Variants in KAT6B observed in about 807,000 individuals in gnomAD.
KAT6B encodes the protein histone acetyltransferase KAT6B.
KAT6B carries 10 observed loss-of-function variants against 187.5 expected under a neutral mutation model. The ratio of observed to expected loss-of-function variants is 0.05; its 90% confidence interval spans 0.03 to 0.09. The LOEUF (loss-of-function observed/expected upper bound fraction) is 0.09. Among genes scored for constraint, KAT6B ranks in the 10% least tolerant of loss-of-function variants. KAT6B has a pLI of 1.00. For synonymous variants in KAT6B, 861 were observed against 926.8 expected (o/e 0.93, Z 1.29); for missense variants, 1,952 against 2,558.9 (o/e 0.76, Z 5.12).
In KAT6B at chr10:75,029,658, C is replaced by T. The variant is rs140992439; in HGVS notation, c.4834C>T (p.Arg1612Cys). 2.7e-5 allele frequency: 43 copies of T among 1,614,154 alleles called. No individual in the cohort carries two copies. The highest frequency in any genetic ancestry group is 1.1e-4 in the East Asian group (5 of 44,878). ...SVHSHPGQSV[R>C]SVNSPSVPAL... is the part of the protein sequence containing the mutation. ...CCACTCCCATCCTGGCCAGTCCGTA[C>T]GTTCTGTCAACAGCCCAAGTGTCCC... The change falls in exon 18 of 18, where the codon CGT becomes TGT. Residue 1612 changes from arginine to cysteine, a missense_variant. Physicochemically the swap from Arg to Cys is radical, Grantham distance 180 (BLOSUM62 -3). Coordinates refer to ENST00000287239, the MANE Select transcript of KAT6B (RefSeq NM_012330.4). The surrounding 1 kb of genome is among the most constrained non-coding windows in gnomAD (Gnocchi z 6.2).
rs754453284 is a variant in KAT6B, at chr10:74,843,342, A to C, written c.485A>C (p.Asn162Thr). The change falls in exon 3 of 18, where the codon AAT (asparagine) becomes ACT (threonine). Residue 162 changes from asparagine (N) to threonine (T), a missense_variant. Physicochemically the swap from Asn to Thr is moderately conservative, Grantham distance 65. Coordinates refer to ENST00000287239, the MANE Select transcript of KAT6B (RefSeq NM_012330.4). ...LRLGAKRAVN[N>T]GRLLKDGPQY... Reference sequence around the variant, plus strand: ...CTGGGGGCCAAACGCGCTGTGAATAATGGGAGGTTACTGAAAGACGGACCG... The same window carrying C: ...CTGGGGGCCAAACGCGCTGTGAATACTGGGAGGTTACTGAAAGACGGACCG... 1 of 1,613,226 alleles carries C rather than the reference A, an allele frequency of 6.2e-7. No individual in the cohort carries two copies. Among genetic ancestry groups the C allele is most frequent in the Non-Finnish European group, 8.5e-7 (1 of 1,179,490 alleles).
At chr10:74,912,558 G>A (rs1847321598) in intron 3 of KAT6B, among the ~76,000 whole-genome samples, 1 of 152,092 alleles carries the variant, frequency 6.6e-6, no homozygotes, top group Non-Finnish European at 1.5e-5. Flanking sequence ...CTCTCTGTCT[G>A]TATTGTAGAA....
chr10:74,957,374 G>T (rs1311300086), intron 3 of KAT6B, among the ~76,000 whole-genome samples: 2 of 152,332 alleles, frequency 1.3e-5, no homozygotes, highest in East Asian at 3.9e-4. Context: ...CAGCATGGCG[G>T]GGTTCGCTTG....
chr10:74,921,176 G>A lies in KAT6B; in HGVS notation c.622-38794G>A, dbSNP rs1156453759. On this transcript the variant is annotated intron_variant, in intron 3 of 17. Transcript: ENST00000287239. ...GTTGCCCAGGCTGGAGTTAAATGGC[G>A]AGATCTTGCCTCACTGCAACCTCCA... Among the ~76,000 whole-genome samples, 5 of 147,634 alleles carry A rather than the reference G, an allele frequency of 3.4e-5. No homozygotes were observed. The South Asian group carries it at 6.4e-4, about 19-fold the overall frequency.
chr10:74,942,345 A>G (rs1849731625), intron 3 of KAT6B, among the ~76,000 whole-genome samples: 1 of 152,208 alleles, frequency 6.6e-6, no homozygotes, highest in South Asian at 2.1e-4. Flanking sequence ...ACATGAAGCA[A>G]ATATATGATC....
At chr10:74,843,881 A>G (rs1841922469) in intron 3 of KAT6B, among the ~76,000 whole-genome samples, 3 of 152,102 alleles carry the variant, frequency 2.0e-5, no homozygotes, top group African/African-American at 7.2e-5. Context: ...TTTTACTATT[A>G]TTATTTTTTT....
At chr10:74,850,024 C>T (rs1344302079) in intron 3 of KAT6B, among the ~76,000 whole-genome samples, 9 of 151,842 alleles carry the variant, frequency 5.9e-5, no homozygotes, top group East Asian at 1.9e-4. Flanking sequence ...CTGCAAGCTC[C>T]GCCTTCCGGG....
At chr10:74,916,622 G>C (rs185492033) in intron 3 of KAT6B, among the ~76,000 whole-genome samples, 1 of 152,110 alleles carries the variant, frequency 6.6e-6, no homozygotes, top group Non-Finnish European at 1.5e-5. Flanking sequence ...ATATTTGTAG[G>C]TATATTAAAT....
intron 3 of KAT6B, among the ~76,000 whole-genome samples, chr10:74,895,643 G>A (rs1002743734): frequency 6.6e-6 from 1 of 152,030 alleles, no homozygotes; most frequent in Non-Finnish European, 1.5e-5. Context: ...GGGTTCAAGC[G>A]ATTCTCGTGC....
intron 3 of KAT6B, among the ~76,000 whole-genome samples, chr10:74,956,285 G>A (rs1840689108): frequency 6.6e-6 from 1 of 152,172 alleles, no homozygotes; most frequent in African/African-American, 2.4e-5. Flanking sequence ...TATATAGGTG[G>A]TGCTCAGTCC....
chr10:74,865,933 C>T (rs1024400251), intron 3 of KAT6B, among the ~76,000 whole-genome samples: 4 of 152,084 alleles, frequency 2.6e-5, no homozygotes, highest in Non-Finnish European at 4.4e-5. Context: ...GTTTGTGCTG[C>T]GCTGGTCAAC....
At chr10:74,990,143 C>T (rs981358532) in intron 13 of KAT6B, among the ~76,000 whole-genome samples, 22 of 133,552 alleles carry the variant, frequency 1.6e-4, no homozygotes, top group African/African-American at 5.7e-4. Flanking sequence ...TGCAGTGAGC[C>T]GAGATGGTGC....
At position 74,965,729 on chromosome 10, in the gene KAT6B, C is replaced by CT. The variant is rs755126285; in HGVS notation, c.731-3917dup. Among the ~76,000 whole-genome samples, 917 of 141,944 alleles carry CT rather than the reference C, an allele frequency of 6.5e-3. 3 individuals are homozygous for CT. The highest frequency in any genetic ancestry group is 0.012 in the African/African-American group (487 of 39,022). The allele number at this position is 141,944 out of a possible 152,430, so 93.1% of individuals were successfully genotyped here. The stretch of plus-strand genomic sequence containing the variant: ...GAGACTTTAAGTGAGGATCCATGTT[C>CT]TTTTTTTTTTTTTTGAGATGGAGTC... On this transcript the variant is annotated intron_variant, in intron 4 of 17. Transcript: ENST00000287239.
At chr10:74,858,869 C>T (rs1564525782) in intron 3 of KAT6B, among the ~76,000 whole-genome samples, 2 of 151,586 alleles carry the variant, frequency 1.3e-5, no homozygotes, top group Non-Finnish European at 2.9e-5. Context: ...GCAGGAGAAT[C>T]GCTTGAACCT....
chr10:74,873,432 T>G (rs1324146964), intron 3 of KAT6B, among the ~76,000 whole-genome samples: 1 of 151,436 alleles, frequency 6.6e-6, no homozygotes, highest in African/African-American at 2.4e-5. Context: ...GCCACTGCAC[T>G]TTAGTCTGAG....
At chr10:74,827,297 C>T in intron 1 of KAT6B, 1 of 153,026 alleles carries the variant, frequency 6.5e-6, no homozygotes, top group Non-Finnish European at 1.5e-5. Context: ...GGCGAGATTG[C>T]AGTTGTCTGG....
chr10:74,854,674 T>C (rs1043672138), intron 3 of KAT6B, among the ~76,000 whole-genome samples: 1 of 152,212 alleles, frequency 6.6e-6, no homozygotes, highest in Admixed American at 6.5e-5. Flanking sequence ...TTAGCCACTA[T>C]TTTTTAGAAA....
In KAT6B at chr10:74,993,155, T is replaced by A. The variant is rs187573999; in HGVS notation, c.2629+4043T>A. 1.8e-4 allele frequency among the ~76,000 whole-genome samples: 28 copies of A among 152,278 alleles called. 1 individual carries two copies. On this transcript the variant is annotated intron_variant, in intron 13 of 17. Coordinates refer to ENST00000287239, the MANE Select transcript of KAT6B (RefSeq NM_012330.4). ...TCACACCGTCAAGGCAAGGAGCTCT[T>A]CTTCTCCCAGCCACTGCTGAGCACT...
intron 1 of KAT6B, among the ~76,000 whole-genome samples, chr10:74,829,503 A>C (rs1840571552): frequency 6.7e-6 from 1 of 150,092 alleles, no homozygotes; most frequent in African/African-American, 2.5e-5. Flanking sequence ...CCCAGGCTGG[A>C]GTGCAGTGGC....
Sources: gnomAD v4.1 joint callset for allele counts (sites outside exome capture counted in the v4.1 genomes callset) on GRCh38, gnomAD v4.1.1 for gene constraint, Gnocchi (gnomAD v3.1) non-coding constraint, MANE v1.5 for transcripts, NCBI Gene and HGNC (gene_info 2026-07-23, HGNC 2026-07-21) for gene names.